UTS2B: variants seen among roughly 807,000 people sequenced by gnomAD.
UTS2B encodes the protein urotensin-2B.
In UTS2B, 21 loss-of-function variants were observed where a neutral mutation model predicts 19.2. The observed-to-expected ratio is 1.09, with a 90% CI of 0.78 to 1.58. The LOEUF is 1.58. Among genes scored for constraint, UTS2B ranks in the 40% most tolerant of loss-of-function variants. UTS2B has a pLI of 0.00. For missense variants in UTS2B, 138 were observed against 130.3 expected (o/e 1.06, Z -0.29); for synonymous variants, 57 against 50.2 (o/e 1.14, Z -0.58).
chr3:191,278,804 T>TA lies in UTS2B; in HGVS notation c.104-635dup, dbSNP rs1359191402. Among the ~76,000 whole-genome samples, 3 of 152,184 alleles carry TA rather than the reference T, an allele frequency of 2.0e-5. No individual in the cohort carries two copies. The East Asian group carries it at 5.8e-4, about 29-fold the overall frequency. ...AGTAGAAATTGAGACAAGAGACTTC[T>TA]AGCAAGCTATAAAACATGAAGATTC... On this transcript the variant is annotated intron_variant, in intron 5 of 8. Transcript: ENST00000340524.
intron 8 of UTS2B, among the ~76,000 whole-genome samples, chr3:191,270,270 C>T (rs1716051304): frequency 6.6e-6 from 1 of 152,178 alleles, no homozygotes; most frequent in South Asian, 2.1e-4. Flanking sequence ...AACCATAGCT[C>T]ACTGCAACCT....
At chr3:191,287,685 G>C (rs1716594491) in intron 4 of UTS2B, among the ~76,000 whole-genome samples, 1 of 151,838 alleles carries the variant, frequency 6.6e-6, no homozygotes, top group Non-Finnish European at 1.5e-5. Flanking sequence ...TTTCCTTCTA[G>C]GATCAGAAAC....
Position 191,310,109 on chromosome 3 carries a change from C to T in UTS2B, c.-181-5561G>A, listed in dbSNP as rs112024973. Among the ~76,000 whole-genome samples the T allele has an allele frequency of 2.6e-3, 399 of 151,998 alleles. 1 individual carries two copies. Among genetic ancestry groups the T allele is most frequent in the African/African-American group, 8.3e-3 (346 of 41,438 alleles). On this transcript the variant is annotated intron_variant, in intron 3 of 8. Coordinates refer to ENST00000340524, the MANE Select transcript of UTS2B (RefSeq NM_198152.5). The stretch of plus-strand genomic sequence containing the variant: ...ATCCCAGTAGCTGGGACTACAGGTG[C>T]GCACCACCATGCCTGGCTATTTTTT...
At chr3:191,334,613 G>C (rs1314768449), upstream of UTS2B, among the ~76,000 whole-genome samples, 3 of 152,124 alleles carry the variant, frequency 2.0e-5, no homozygotes, top group African/African-American at 7.2e-5. Context: ...CCTAGAATTA[G>C]AAAAGTTTAG....
At chr3:191,300,132 C>T (rs369443337) in intron 4 of UTS2B, among the ~76,000 whole-genome samples, 1 of 152,128 alleles carries the variant, frequency 6.6e-6, no homozygotes, top group South Asian at 2.1e-4. Context: ...CACGCTGCAA[C>T]CACTGCCTCC....
chr3:191,294,903 C>T (rs569111923), intron 4 of UTS2B, among the ~76,000 whole-genome samples: 2 of 151,646 alleles, frequency 1.3e-5, no homozygotes, highest in Admixed American at 6.6e-5. Context: ...TGTTGGCAGG[C>T]GCCTGTAGTC....
chr3:191,295,595 C>G (rs1716837445), intron 4 of UTS2B, among the ~76,000 whole-genome samples: 1 of 151,976 alleles, frequency 6.6e-6, no homozygotes, highest in African/African-American at 2.4e-5. Flanking sequence ...CTCTCCCCAC[C>G]TCTTTTGTAC....
chr3:191,307,426 G>A (rs1475518526), intron 3 of UTS2B, among the ~76,000 whole-genome samples: 1 of 152,162 alleles, frequency 6.6e-6, no homozygotes, highest in African/African-American at 2.4e-5. Context: ...GCACAAAGAA[G>A]CATAAGAGGA....
chr3:191,317,069 G>A (rs1216030054), intron 2 of UTS2B, among the ~76,000 whole-genome samples: 19 of 152,252 alleles, frequency 1.2e-4, no homozygotes, highest in Non-Finnish European at 1.5e-4. Context: ...AGGGGGTGGT[G>A]CCCGTCAGGG....
At chr3:191,343,196 C>CG in the UTS2B span, among the ~76,000 whole-genome samples, 2 of 152,048 alleles carry the variant, frequency 1.3e-5, no homozygotes, top group Non-Finnish European at 2.9e-5. Context: ...GTCCCCCTCA[C>CG]GTATACCCAG....
At chr3:191,273,531 C>T (rs893909021) in intron 8 of UTS2B, 2 of 456,582 alleles carry the variant, frequency 4.4e-6, no homozygotes, top group African/African-American at 4.0e-5. Flanking sequence ...ATGTTGGAGG[C>T]AGTTAAGCTG....
At chr3:191,287,295 T>C (rs1176697249) in intron 4 of UTS2B, among the ~76,000 whole-genome samples, 1 of 151,978 alleles carries the variant, frequency 6.6e-6, no homozygotes, top group Non-Finnish European at 1.5e-5. Context: ...ATAAAGACAT[T>C]ACAAGAACAG....
chr3:191,268,428 T>C lies in UTS2B; in HGVS notation c.348A>G (p.Lys116=). The change falls in exon 9 of 9, where the codon AAA becomes AAG. Residue 116 remains lysine (K), a synonymous_variant. Transcript: ENST00000340524. ...SHPSKRACFW[K]YCV is the part of the protein sequence containing the mutation. ...CAGAGAAAAAGCTTTAAACACAGTA[T>C]TTCCAAAAGCAAGCTAAAGAAGAAA... 1 of 1,563,686 alleles carries C rather than the reference T, an allele frequency of 6.4e-7. No individual in the cohort carries two copies. The highest frequency in any genetic ancestry group is 8.7e-7 in the Non-Finnish European group (1 of 1,143,578).
upstream of UTS2B, among the ~76,000 whole-genome samples, chr3:191,333,942 TAAAG>T (rs994352203): frequency 4.6e-5 from 7 of 152,188 alleles, no homozygotes; most frequent in East Asian, 3.8e-4. Context: ...ATAGAAAAAT[TAAAG>T]AAAGTAATTT....
At chr3:191,340,381 G>A in the UTS2B span, among the ~76,000 whole-genome samples, 3 of 152,196 alleles carry the variant, frequency 2.0e-5, no homozygotes, top group Admixed American at 2.0e-4. Flanking sequence ...ATGCTAAAGT[G>A]TCATGGAGAT....
At chr3:191,310,997 T>C (rs1717287116) in intron 3 of UTS2B, among the ~76,000 whole-genome samples, 1 of 152,218 alleles carries the variant, frequency 6.6e-6, no homozygotes. Context: ...AAAGAAGCAA[T>C]TTAAAGGTTC....
At chr3:191,332,926 T>C (rs1308495231), upstream of UTS2B, among the ~76,000 whole-genome samples, 2 of 152,244 alleles carry the variant, frequency 1.3e-5, no homozygotes, top group Non-Finnish European at 2.9e-5. Context: ...CTTTGCAATT[T>C]CTTAAGCATT....
chr3:191,320,185 A>G (rs1188000235), intron 2 of UTS2B, among the ~76,000 whole-genome samples: 1 of 152,176 alleles, frequency 6.6e-6, no homozygotes, highest in Non-Finnish European at 1.5e-5. Context: ...TTGGATTGCT[A>G]TTTTAGATAA....
chr3:191,269,067 T>A (rs974308402), intron 8 of UTS2B, among the ~76,000 whole-genome samples: 1 of 152,240 alleles, frequency 6.6e-6, no homozygotes, highest in Non-Finnish European at 1.5e-5. Context: ...TGAATCATTT[T>A]AAATCTTCTG....
Sources: allele counts gnomAD v4.1 joint callset (sites outside exome capture counted in the v4.1 genomes callset), GRCh38; gene constraint gnomAD v4.1.1; transcripts MANE v1.5; gene names NCBI Gene and HGNC (gene_info 2026-07-23, HGNC 2026-07-21).